The following MYO5B variants were observed in gnomAD, a reference collection of about 807,000 sequenced individuals.
MYO5B encodes the protein myosin VB, also known as unconventional myosin-Vb.
A neutral mutation model predicts 229.3 loss-of-function variants in MYO5B; 143 were observed. That is an observed-to-expected ratio of 0.62 (90% CI 0.54 to 0.72). The LOEUF (loss-of-function observed/expected upper bound fraction) is 0.72, where lower values mean the gene tolerates loss of function less well. Ranked by LOEUF, MYO5B falls within the 30% of genes least tolerant of loss-of-function variation. The pLI, the probability that MYO5B is intolerant of heterozygous loss-of-function variation, is 0.00. For synonymous variants in MYO5B, 918 were observed against 885.2 expected (o/e 1.04, Z -0.66); for missense variants, 2,321 against 2,331.0 (o/e 1.00, Z 0.09).
intron 12 of MYO5B, among the ~76,000 whole-genome samples, chr18:49,956,363 C>A (rs966838070): frequency 4.6e-5 from 7 of 152,160 alleles, no homozygotes; most frequent in African/African-American, 1.7e-4. Flanking sequence ...AAGTAACTTG[C>A]CAAGGTCACA....
At chr18:49,963,142 C>T in intron 10 of MYO5B, 112 bp from the exon 11 acceptor site, 4 of 823,648 alleles carry the variant, frequency 4.9e-6, no homozygotes, top group Non-Finnish European at 8.5e-6. Flanking sequence ...ACAGAATCCC[C>T]ATTGTCTCAT....
At chr18:50,193,930 C>T (rs529654444) in intron 1 of MYO5B, among the ~76,000 whole-genome samples, 70 of 152,328 alleles carry the variant, frequency 4.6e-4, no homozygotes, top group African/African-American at 1.6e-3. Context: ...GCGGGCGTCT[C>T]CGCCCGGGCT....
At chr18:50,155,809 A>G (rs971065618) in intron 1 of MYO5B, among the ~76,000 whole-genome samples, 26 of 152,248 alleles carry the variant, frequency 1.7e-4, no homozygotes, top group Admixed American at 6.5e-4. Context: ...AGTAACCACT[A>G]CAAACCAAGA....
At chr18:49,850,192 A>G in intron 31 of MYO5B, 1 of 191,110 alleles carries the variant, frequency 5.2e-6, no homozygotes, top group Non-Finnish European at 1.1e-5. Flanking sequence ...CTAGAACAGC[A>G]AGCCGCTGAG....
intron 1 of MYO5B, among the ~76,000 whole-genome samples, chr18:50,150,880 A>G (rs542671017): frequency 6.6e-6 from 1 of 152,368 alleles, no homozygotes; most frequent in African/African-American, 2.4e-5. Flanking sequence ...GCCACAACAT[A>G]TAGCTGAAAA....
chr18:50,136,329 C>T (rs1372163690), intron 1 of MYO5B, among the ~76,000 whole-genome samples: 3 of 149,728 alleles, frequency 2.0e-5, no homozygotes, highest in South Asian at 4.3e-4. Context: ...TCTGAAAGGA[C>T]ATCAACTGGA....
In MYO5B at chr18:50,003,645, A is replaced by T. The variant is rs2026070490; in HGVS notation, c.456-2234T>A. ...AAGTTTGGCGTTGTACCTCTGAAACAGACAAGTTTGATACCATCTTTAAAA... is the reference window on the plus strand; with the variant it reads ...AAGTTTGGCGTTGTACCTCTGAAACTGACAAGTTTGATACCATCTTTAAAA... On this transcript the variant is annotated intron_variant, in intron 4 of 39. Transcript: ENST00000285039. 3.3e-5 allele frequency among the ~76,000 whole-genome samples: 5 copies of T among 152,228 alleles called. No homozygotes were observed. The South Asian group carries it at 1.0e-3, about 32-fold the overall frequency.
Position 49,864,418 on chromosome 18 carries a change from G to T in MYO5B, c.3604-38C>A, listed in dbSNP as rs998633475. On this transcript the variant is annotated intron_variant, in intron 27 of 39. Coordinates refer to ENST00000285039, the MANE Select transcript of MYO5B (RefSeq NM_001080467.3). ...CCAAGGGCCGCTGCCATTACTCCCT[G>T]CCCTAGGGCTCTCTCCCTGTGTGGG... 4 of 1,608,186 alleles carry T rather than the reference G, an allele frequency of 2.5e-6. No individual in the cohort carries two copies. The African/African-American group carries it at 5.3e-5, about 21-fold the overall frequency.
intron 1 of MYO5B, among the ~76,000 whole-genome samples, chr18:50,184,766 C>T (rs1013584453): frequency 3.3e-5 from 5 of 152,034 alleles, no homozygotes; most frequent in Non-Finnish European, 5.9e-5. Context: ...GGACTGGGTG[C>T]TGTGACTCAT....
intron 1 of MYO5B, among the ~76,000 whole-genome samples, chr18:50,086,758 A>C (rs1188036259): frequency 6.6e-6 from 1 of 152,196 alleles, no homozygotes; most frequent in African/African-American, 2.4e-5. Flanking sequence ...GTAAAGACTT[A>C]AGAAATAGGC....
chr18:50,000,314 T>C (rs1437157030), intron 5 of MYO5B, among the ~76,000 whole-genome samples: 2 of 152,216 alleles, frequency 1.3e-5, no homozygotes, highest in African/African-American at 2.4e-5. Flanking sequence ...GCTCAACTAA[T>C]GTCTTCTTAC....
At chr18:50,123,517 A>G (rs899351894) in intron 1 of MYO5B, among the ~76,000 whole-genome samples, 3 of 152,180 alleles carry the variant, frequency 2.0e-5, no homozygotes, top group East Asian at 1.9e-4. Flanking sequence ...GCTTGAAATC[A>G]GGAATTCGAG....
intron 2 of MYO5B, among the ~76,000 whole-genome samples, chr18:50,041,698 G>A (rs903998538): frequency 3.9e-5 from 6 of 152,102 alleles, no homozygotes; most frequent in African/African-American, 1.4e-4. Flanking sequence ...AACTGGGCAA[G>A]TATTTGTGTA....
chr18:49,915,934 G>A lies in MYO5B; in HGVS notation c.2091-3761C>T, dbSNP rs192055522. Among the ~76,000 whole-genome samples the A allele has an allele frequency of 5.9e-5, 9 of 152,276 alleles. No individual in the cohort carries two copies. In the East Asian group the frequency reaches 1.5e-3, roughly 26 times the overall value. On this transcript the variant is annotated intron_variant, in intron 17 of 39. Transcript: ENST00000285039. The stretch of plus-strand genomic sequence containing the variant: ...AGATGGATTTGGGTAAGAATCAGGT[G>A]GAAGAAACCATATGAAAAAGGGCCT...
intron 38 of MYO5B, 142 bp downstream of exon 38, chr18:49,836,569 C>A: frequency 1.1e-6 from 1 of 935,152 alleles, no homozygotes; most frequent in Admixed American, 2.0e-5. Flanking sequence ...ATCCCATCAG[C>A]TGCACTTCAA....
intron 1 of MYO5B, among the ~76,000 whole-genome samples, chr18:50,060,586 G>GA (rs2030663106): frequency 6.6e-6 from 1 of 152,208 alleles, no homozygotes; most frequent in Non-Finnish European, 1.5e-5. Context: ...GTGATTTTTG[G>GA]AAAGTTCTTT....
intron 1 of MYO5B, among the ~76,000 whole-genome samples, chr18:50,136,896 A>G (rs933486745): frequency 2.0e-5 from 3 of 152,192 alleles, no homozygotes; most frequent in Non-Finnish European, 4.4e-5. Flanking sequence ...CCCAACTCCT[A>G]AACTCCATCT....
intron 12 of MYO5B, among the ~76,000 whole-genome samples, chr18:49,959,259 TC>T (rs1346345098): frequency 6.6e-6 from 1 of 152,192 alleles, no homozygotes; most frequent in Non-Finnish European, 1.5e-5. Flanking sequence ...CCTGACCCTC[TC>T]AAGAAGTGCT....
intron 1 of MYO5B, among the ~76,000 whole-genome samples, chr18:50,102,763 C>T (rs547055283): frequency 6.6e-6 from 1 of 152,086 alleles, no homozygotes; most frequent in South Asian, 2.1e-4. Flanking sequence ...GTTCTACATG[C>T]ACATTAAAAT....
Sources: gnomAD v4.1 joint callset for allele counts (sites outside exome capture counted in the v4.1 genomes callset) on GRCh38, gnomAD v4.1.1 for gene constraint, MANE v1.5 for transcripts, NCBI Gene and HGNC (gene_info 2026-07-23, HGNC 2026-07-21) for gene names.